MACROD2: variants seen among roughly 807,000 people sequenced by gnomAD.
MACROD2 encodes ADP-ribose glycohydrolase MACROD2.
In MACROD2, 36 loss-of-function variants were observed where a neutral mutation model predicts 70.4. That is an observed-to-expected ratio of 0.51 (90% CI 0.39 to 0.68). The LOEUF is 0.68. Among genes scored for constraint, MACROD2 ranks in the 30% least tolerant of loss-of-function variants. The pLI is 0.00. For missense variants in MACROD2, 496 were observed against 538.4 expected (o/e 0.92, Z 0.78); for synonymous variants, 172 against 178.8 (o/e 0.96, Z 0.30).
chr20:15,752,524 C>G (rs1056017429), intron 8 of MACROD2, among the ~76,000 whole-genome samples: 5 of 152,098 alleles, frequency 3.3e-5, no homozygotes. Flanking sequence ...AATTACAGAA[C>G]CTGCCCACTC....
At chr20:14,788,660 A>G (rs1010850574) in intron 5 of MACROD2, among the ~76,000 whole-genome samples, 4 of 150,512 alleles carry the variant, frequency 2.7e-5, no homozygotes, top group Non-Finnish European at 4.4e-5. Context: ...CTTAAAAACC[A>G]TATTAACAGG....
chr20:15,333,310 G>T (rs1600253646), intron 6 of MACROD2, among the ~76,000 whole-genome samples: 3 of 151,630 alleles, frequency 2.0e-5, no homozygotes, highest in Admixed American at 2.0e-4. Flanking sequence ...TCTTTAGAGG[G>T]TCAGTAGCCT....
chr20:15,580,486 C>A (rs1468934625), intron 8 of MACROD2, among the ~76,000 whole-genome samples: 1 of 152,194 alleles, frequency 6.6e-6, no homozygotes, highest in Non-Finnish European at 1.5e-5. Flanking sequence ...TCCACTTGCT[C>A]TCCTCCCCTT....
At chr20:14,059,767 G>A (rs1484474128) in intron 2 of MACROD2, among the ~76,000 whole-genome samples, 1 of 152,070 alleles carries the variant, frequency 6.6e-6, no homozygotes, top group African/African-American at 2.4e-5. Context: ...TACATTTTAC[G>A]CAGAACAGAT....
intron 5 of MACROD2, among the ~76,000 whole-genome samples, chr20:14,796,217 T>C (rs1355104055): frequency 6.6e-6 from 1 of 152,094 alleles, no homozygotes; most frequent in African/African-American, 2.4e-5. Flanking sequence ...TCCTCTCTGA[T>C]TGGAATCCAT....
At chr20:14,480,932 G>A (rs1030334821) in intron 3 of MACROD2, among the ~76,000 whole-genome samples, 1 of 151,846 alleles carries the variant, frequency 6.6e-6, no homozygotes, top group African/African-American at 2.4e-5. Flanking sequence ...TATATTAATA[G>A]AAGCCAACTA....
At chr20:14,623,890 G>C (rs969163057) in intron 4 of MACROD2, among the ~76,000 whole-genome samples, 2 of 152,220 alleles carry the variant, frequency 1.3e-5, no homozygotes, top group Admixed American at 6.5e-5. Context: ...GGCAGCCATT[G>C]ATCTGGCAAA....
chr20:14,807,962 G>T (rs191539826), intron 5 of MACROD2, among the ~76,000 whole-genome samples: 1 of 152,074 alleles, frequency 6.6e-6, no homozygotes, highest in African/African-American at 2.4e-5. Context: ...CCAAACCTAC[G>T]ATTGATTGGT....
At chr20:14,176,057 C>T (rs1056642588) in intron 3 of MACROD2, among the ~76,000 whole-genome samples, 12 of 152,176 alleles carry the variant, frequency 7.9e-5, no homozygotes, top group East Asian at 1.9e-4. Flanking sequence ...ATGTTACTAA[C>T]GGTTGTTAGC....
In MACROD2 at chr20:15,505,469, G is replaced by A. The variant is rs144324348; in HGVS notation, c.645+5622G>A. 5.2e-3 allele frequency among the ~76,000 whole-genome samples: 790 copies of A among 152,138 alleles called. 5 individuals are homozygous for A. The highest frequency in any genetic ancestry group is 0.02 in the Middle Eastern group (6 of 294). ...GCAGATAGATGGACAGAAACCCAGC[G>A]TTCTAGGAGGCTCTAGGTAAAGCTG... On this transcript the variant is annotated intron_variant, in intron 8 of 17. Transcript: ENST00000684519.
At chr20:14,702,191 G>T (rs556604806) in intron 5 of MACROD2, among the ~76,000 whole-genome samples, 2 of 151,154 alleles carry the variant, frequency 1.3e-5, no homozygotes, top group Admixed American at 6.6e-5. Context: ...TCTCAGAAAA[G>T]TACTGAGAAA....
chr20:16,001,378 G>T (rs1405329198), intron 15 of MACROD2, among the ~76,000 whole-genome samples: 1 of 152,168 alleles, frequency 6.6e-6, no homozygotes, highest in Non-Finnish European at 1.5e-5. Context: ...AGAAAAAAGA[G>T]AAAAAGGGAG....
intron 5 of MACROD2, among the ~76,000 whole-genome samples, chr20:14,710,120 C>T (rs1177033008): frequency 6.6e-6 from 1 of 152,110 alleles, no homozygotes; most frequent in African/African-American, 2.4e-5. Context: ...GAAGATAATT[C>T]ACAACTTGAT....
intron 3 of MACROD2, among the ~76,000 whole-genome samples, chr20:14,234,119 A>C (rs1314607959): frequency 1.3e-5 from 2 of 152,226 alleles, no homozygotes; most frequent in Non-Finnish European, 2.9e-5. Flanking sequence ...GCAAGATGTT[A>C]ATAATAGGGC....
chr20:14,701,470 G>C (rs2071195624), intron 5 of MACROD2, among the ~76,000 whole-genome samples: 1 of 152,154 alleles, frequency 6.6e-6, no homozygotes, highest in Non-Finnish European at 1.5e-5. Flanking sequence ...CCACTTGACT[G>C]AAAGTCCTCT....
chr20:14,755,141 G>T (rs2071923435), intron 5 of MACROD2, among the ~76,000 whole-genome samples: 1 of 151,952 alleles, frequency 6.6e-6, no homozygotes, highest in African/African-American at 2.4e-5. Context: ...AGGGTGGGTG[G>T]AGAAACCAGA....
intron 5 of MACROD2, among the ~76,000 whole-genome samples, chr20:15,055,849 G>T (rs1172053866): frequency 6.7e-6 from 1 of 148,238 alleles, no homozygotes; most frequent in Non-Finnish European, 1.5e-5. Flanking sequence ...AGGCTAGAGT[G>T]CAGTGGCGCC....
At chr20:15,439,112 C>T (rs1166543897) in intron 7 of MACROD2, among the ~76,000 whole-genome samples, 1 of 152,116 alleles carries the variant, frequency 6.6e-6, no homozygotes, top group Non-Finnish European at 1.5e-5. Flanking sequence ...TAAAATAGAA[C>T]CCCTTTGTGG....
chr20:14,434,669 T>C (rs1009451741), intron 3 of MACROD2, among the ~76,000 whole-genome samples: 1 of 152,202 alleles, frequency 6.6e-6, no homozygotes, highest in African/African-American at 2.4e-5. Flanking sequence ...CCCATCAATA[T>C]ACAAACATGC....
Sources: gnomAD v4.1 joint callset for allele counts (sites outside exome capture counted in the v4.1 genomes callset) on GRCh38, gnomAD v4.1.1 for gene constraint, MANE v1.5 for transcripts, NCBI Gene and HGNC (gene_info 2026-07-23, HGNC 2026-07-21) for gene names.